Variants in MBD2 observed in about 807,000 individuals in gnomAD.
MBD2 encodes the protein methyl-CpG-binding domain protein 2.
MBD2 carries 9 observed loss-of-function variants against 39.3 expected under a neutral mutation model. The observed-to-expected ratio is 0.23, with a 90% CI of 0.14 to 0.40. MBD2 has a LOEUF of 0.40. Among genes scored for constraint, MBD2 ranks in the 10% least tolerant of loss-of-function variants. MBD2 has a pLI of 1.00. For synonymous variants in MBD2, 233 were observed against 211.1 expected, an observed-to-expected ratio of 1.10 and a Z score of -0.90; for missense variants, 458 against 532.6, an observed-to-expected ratio of 0.86 and a Z score of 1.38.
chr18:54,178,643 G>A (rs1157256446), intron 3 of MBD2, among the ~76,000 whole-genome samples: 6 of 152,006 alleles, frequency 3.9e-5, no homozygotes, highest in Admixed American at 2.6e-4. Context: ...CCATTATAAA[G>A]AAATAACTTC....
chr18:54,224,539 T>C lies in MBD2; in HGVS notation c.21A>G (p.Gly7=). MRAHPG[G]GRCCPEQEEG... ...CCTCCTGCTCCGGGCAGCAGCGGCC[T>C]CCCCCCGGGTGCGCGCGCATCCAGC... The change falls in exon 1 of 7, where the codon GGA becomes GGG. Residue 7 remains glycine, a synonymous_variant. Coordinates refer to ENST00000256429, the MANE Select transcript of MBD2 (RefSeq NM_003927.5). The C allele has an allele frequency of 8.2e-7, 1 of 1,219,480 alleles. No homozygotes were observed. The highest frequency in any genetic ancestry group is 1.0e-6 in the Non-Finnish European group (1 of 980,284). 75.5% of individuals were successfully genotyped at this position (1,219,480 alleles called of 1,614,324 possible).
chr18:54,224,582 C>G lies in MBD2; in HGVS notation c.-23G>C, dbSNP rs1486597234. 1.6e-6 allele frequency: 2 copies of G among 1,222,994 alleles called. No individual in the cohort carries two copies. Among genetic ancestry groups the G allele is most frequent in the African/African-American group, 3.1e-5 (2 of 64,072 alleles). 75.8% of individuals were successfully genotyped at this position (1,222,994 alleles called of 1,614,324 possible). A position where few individuals can be genotyped will look rare whatever the true frequency, so the allele number is the denominator to read the frequency against. ...CATCCAGCCCCCTCCCCAGCCGGCG[C>G]TGCGCTTCTTCCGTAACCGAGCCCT... On this transcript the variant is annotated 5_prime_UTR_variant, in exon 1 of 7. Coordinates refer to ENST00000256429, the MANE Select transcript of MBD2 (RefSeq NM_003927.5).
At chr18:54,217,334 A>G (rs1433748023) in intron 1 of MBD2, among the ~76,000 whole-genome samples, 1 of 152,250 alleles carries the variant, frequency 6.6e-6, no homozygotes, top group Non-Finnish European at 1.5e-5. Context: ...TTCAAACTTC[A>G]TTATATTCCA....
chr18:54,154,310 G>A lies in MBD2; in HGVS notation c.*1014C>T, dbSNP rs1419947476. 1 of 152,138 alleles carries A rather than the reference G, an allele frequency of 6.6e-6. No homozygotes were observed. Among genetic ancestry groups the A allele is most frequent in the Non-Finnish European group, 1.5e-5 (1 of 68,028 alleles). 9.4% of individuals were successfully genotyped at this position (152,138 alleles called of 1,614,324 possible). A position where few individuals can be genotyped will look rare whatever the true frequency, so the allele number is the denominator to read the frequency against. Reference sequence around the variant, plus strand: ...TCGCGAGTTTCAACAGAAAAAGAATGTTAATATTTTGGAGGCCAGGCCAGG... The same window carrying A: ...TCGCGAGTTTCAACAGAAAAAGAATATTAATATTTTGGAGGCCAGGCCAGG... On this transcript the variant is annotated 3_prime_UTR_variant, in exon 7 of 7. Coordinates refer to ENST00000256429, the MANE Select transcript of MBD2 (RefSeq NM_003927.5).
At chr18:54,203,072 A>G (rs750562853) in intron 2 of MBD2, 2 of 1,527,998 alleles carry the variant, frequency 1.3e-6, no homozygotes, top group Non-Finnish European at 1.8e-6. Flanking sequence ...AGCGCATGCC[A>G]TGGTGCAGGA....
At chr18:54,220,132 G>T (rs188008528) in intron 1 of MBD2, among the ~76,000 whole-genome samples, 2 of 152,084 alleles carry the variant, frequency 1.3e-5, no homozygotes, top group East Asian at 3.9e-4. Flanking sequence ...AGGCAAGAGG[G>T]GGCTACTAAA....
intron 1 of MBD2, among the ~76,000 whole-genome samples, chr18:54,214,555 AATC>A (rs769430181): frequency 4.6e-5 from 7 of 152,118 alleles, no homozygotes; most frequent in Non-Finnish European, 8.8e-5. Context: ...GGTCTGCCCT[AATC>A]ACATTTCAGA....
Position 54,153,769 on chromosome 18 carries a change from T to G in MBD2, c.*1555A>C, listed in dbSNP as rs544213814. 2.6e-5 allele frequency: 4 copies of G among 152,278 alleles called. No individual in the cohort carries two copies. The South Asian group carries it at 8.3e-4, about 32-fold the overall frequency. The allele number at this position is 152,278 out of a possible 1,614,324, so 9.4% of individuals were successfully genotyped here. On this transcript the variant is annotated 3_prime_UTR_variant, in exon 7 of 7. Transcript: ENST00000256429. ...CCCTCTACCAATTGGCTTCCCAGGGTCTACAAGTTTCCCTGCTCATCCACC... is the reference window on the plus strand; with the variant it reads ...CCCTCTACCAATTGGCTTCCCAGGGGCTACAAGTTTCCCTGCTCATCCACC...
intron 3 of MBD2, among the ~76,000 whole-genome samples, chr18:54,172,423 G>C (rs1297285647): frequency 6.6e-6 from 1 of 152,140 alleles, no homozygotes; most frequent in African/African-American, 2.4e-5. Flanking sequence ...TGGTATGGGA[G>C]CAAGTATTTC....
At chr18:54,194,240 CTG>C (rs1184265172) in intron 2 of MBD2, among the ~76,000 whole-genome samples, 2 of 152,128 alleles carry the variant, frequency 1.3e-5, no homozygotes, top group South Asian at 4.1e-4. Context: ...TAATAATAAA[CTG>C]TTAAATCTAA....
intron 2 of MBD2, among the ~76,000 whole-genome samples, chr18:54,191,729 T>G (rs899436662): frequency 1.3e-5 from 2 of 152,176 alleles, no homozygotes; most frequent in Non-Finnish European, 2.9e-5. Context: ...GATCCAATAT[T>G]AAATGTGTCC....
At chr18:54,196,989 T>C (rs776338245) in intron 2 of MBD2, among the ~76,000 whole-genome samples, 1 of 152,240 alleles carries the variant, frequency 6.6e-6, no homozygotes, top group African/African-American at 2.4e-5. Context: ...AACCTGATTA[T>C]CTTCATTAGC....
In MBD2 at chr18:54,224,072, T is replaced by G; in HGVS notation, c.488A>C (p.Glu163Ala). ...PALPPGWKKE[E>A]VIRKSGLSAG... ...ACTTAGCCCAGATTTTCGGATCACTTCCTCCTTCTTCCATCCGGGGGGGAG... is the reference window on the plus strand; with the variant it reads ...ACTTAGCCCAGATTTTCGGATCACTGCCTCCTTCTTCCATCCGGGGGGGAG... The change falls in exon 1 of 7, where the codon GAA (glutamate) becomes GCA (alanine). Residue 163 changes from glutamate to alanine, a missense_variant. By Grantham distance (107) the Glu-to-Ala change is moderately radical. Coordinates refer to ENST00000256429, the MANE Select transcript of MBD2 (RefSeq NM_003927.5). The G allele has an allele frequency of 6.2e-7, 1 of 1,601,888 alleles. No homozygotes were observed. Among genetic ancestry groups the G allele is most frequent in the Non-Finnish European group, 8.5e-7 (1 of 1,176,350 alleles).
chr18:54,192,850 A>G (rs2086331721), intron 2 of MBD2, among the ~76,000 whole-genome samples: 1 of 152,226 alleles, frequency 6.6e-6, no homozygotes, highest in South Asian at 2.1e-4. Context: ...AAGCCTGGCT[A>G]AAATATTTAA....
intron 1 of MBD2, among the ~76,000 whole-genome samples, chr18:54,217,228 C>T (rs917303808): frequency 1.3e-5 from 2 of 152,144 alleles, no homozygotes; most frequent in African/African-American, 4.8e-5. Context: ...TTTATATTCA[C>T]ATAGAGTTTA....
intron 1 of MBD2, among the ~76,000 whole-genome samples, chr18:54,221,641 G>A (rs1214330466): frequency 1.6e-4 from 25 of 151,920 alleles, no homozygotes. Flanking sequence ...CGGGCATGGT[G>A]GCAGGCACCT....
chr18:54,154,727 A>G lies in MBD2; in HGVS notation c.*597T>C, dbSNP rs2086041140. ...GCAAATATATGCGCTATCTTCCTCC[A>G]CCTCCATGTCAAACCTAAGGCCCAG... On this transcript the variant is annotated 3_prime_UTR_variant, in exon 7 of 7. Coordinates refer to ENST00000256429, the MANE Select transcript of MBD2 (RefSeq NM_003927.5). The G allele has an allele frequency of 6.6e-6, 1 of 152,528 alleles. No homozygotes were observed. Among genetic ancestry groups the G allele is most frequent in the African/African-American group, 2.4e-5 (1 of 41,436 alleles). The allele number at this position is 152,528 out of a possible 1,614,324, so 9.4% of individuals were successfully genotyped here.
intron 3 of MBD2, among the ~76,000 whole-genome samples, chr18:54,170,260 T>C (rs951309367): frequency 4.6e-5 from 7 of 152,240 alleles, no homozygotes; most frequent in African/African-American, 1.4e-4. Flanking sequence ...GCTTCTTTAG[T>C]GAGGTCAATG....
At chr18:54,218,032 A>C (rs1026728643) in intron 1 of MBD2, among the ~76,000 whole-genome samples, 4 of 152,192 alleles carry the variant, frequency 2.6e-5, no homozygotes, top group African/African-American at 9.7e-5. Flanking sequence ...CATCAAGAGA[A>C]AAGACTTAAA....
Sources: allele counts gnomAD v4.1 joint callset (sites outside exome capture counted in the v4.1 genomes callset), GRCh38; gene constraint gnomAD v4.1.1; transcripts MANE v1.5; gene names NCBI Gene and HGNC (gene_info 2026-07-23, HGNC 2026-07-21).